SRGAP3: variants seen among roughly 807,000 people sequenced by gnomAD.
SRGAP3 encodes SLIT-ROBO Rho GTPase-activating protein 3.
Under a neutral mutation model 121.1 loss-of-function variants are expected in SRGAP3, and 39 were observed. The ratio of observed to expected loss-of-function variants is 0.32; its 90% CI spans 0.25 to 0.42. The LOEUF is 0.42. Among genes scored for constraint, SRGAP3 ranks in the 10% least tolerant of loss-of-function variants. The pLI, the probability that SRGAP3 is intolerant of heterozygous loss-of-function variation, is 1.00. For missense variants in SRGAP3, 1,213 were observed against 1,470.6 expected, an observed-to-expected ratio of 0.82 and a Z score of 2.86; for synonymous variants, 601 against 570.0, an observed-to-expected ratio of 1.05 and a Z score of -0.77.
intron 1 of SRGAP3, among the ~76,000 whole-genome samples, chr3:9,149,601 C>A (rs1294317899): frequency 3.3e-5 from 5 of 152,302 alleles, no homozygotes; most frequent in South Asian, 2.1e-4. Context: ...TGCTCTTGCA[C>A]CCCTGCCATC....
chr3:9,342,665 T>C (rs554263602), intron 1 of SRGAP3, among the ~76,000 whole-genome samples: 3 of 152,226 alleles, frequency 2.0e-5, no homozygotes, highest in African/African-American at 7.2e-5. Context: ...CATCAACATG[T>C]GCCTATGGCA....
chr3:9,095,023 A>C (rs2124872746), intron 3 of SRGAP3, among the ~76,000 whole-genome samples: 1 of 152,218 alleles, frequency 6.6e-6, no homozygotes, highest in South Asian at 2.1e-4. Context: ...CAGCCTCCCG[A>C]AGTGCTGAGA....
intron 1 of SRGAP3, among the ~76,000 whole-genome samples, chr3:9,217,170 G>A (rs1189963827): frequency 6.6e-6 from 1 of 152,132 alleles, no homozygotes; most frequent in Non-Finnish European, 1.5e-5. Flanking sequence ...TTTATGTGAT[G>A]TGCTTTTCGA....
chr3:9,053,657 T>C (rs772981462), intron 8 of SRGAP3, among the ~76,000 whole-genome samples: 9 of 152,224 alleles, frequency 5.9e-5, no homozygotes, highest in Non-Finnish European at 8.8e-5. Flanking sequence ...AAGTTGACAA[T>C]GGTGGGCAGC....
intron 1 of SRGAP3, among the ~76,000 whole-genome samples, chr3:9,174,143 T>C (rs1011136639): frequency 1.3e-5 from 2 of 152,112 alleles, no homozygotes; most frequent in Non-Finnish European, 2.9e-5. Context: ...TCCACTTATA[T>C]GAGGTACCTA....
intron 1 of SRGAP3, among the ~76,000 whole-genome samples, chr3:9,346,901 G>A (rs1216860572): frequency 6.6e-6 from 1 of 151,628 alleles, no homozygotes; most frequent in Non-Finnish European, 1.5e-5. Flanking sequence ...GATTACAGGC[G>A]CCTGCCACCA....
At position 9,281,943 on chromosome 3, in the gene SRGAP3, G is replaced by A. The variant is rs192439670; in HGVS notation, n.442+44067C>T. Among the ~76,000 whole-genome samples, 960 of 152,278 alleles carry A rather than the reference G, an allele frequency of 6.3e-3. 3 individuals carry two copies. The highest frequency in any genetic ancestry group is 9.5e-3 in the Non-Finnish European group (643 of 68,014). ...AACCTCCCAAAGTGCTGGGACTACA[G>A]GCATGAGCCACTGTGCTCAACCTGA... On this transcript the variant is annotated intron_variant and non_coding_transcript_variant, in intron 3 of 3. Transcript: ENST00000490889.
At chr3:9,348,233 G>A (rs893977368) in intron 1 of SRGAP3, among the ~76,000 whole-genome samples, 1 of 152,166 alleles carries the variant, frequency 6.6e-6, no homozygotes, top group Non-Finnish European at 1.5e-5. Flanking sequence ...TAGGTGAAAT[G>A]ACATCTATGA....
chr3:9,311,485 A>C (rs1471233411), intron 3 of SRGAP3, among the ~76,000 whole-genome samples: 2 of 152,214 alleles, frequency 1.3e-5, no homozygotes, highest in African/African-American at 2.4e-5. Context: ...TTTACAATCC[A>C]TCAAGTCTGT....
intron 1 of SRGAP3, among the ~76,000 whole-genome samples, chr3:9,361,034 G>A (rs1273103557): frequency 1.3e-5 from 2 of 152,094 alleles, no homozygotes; most frequent in Non-Finnish European, 2.9e-5. Context: ...ATGATGTTCA[G>A]CATCTTTTCA....
chr3:9,118,662 C>A (rs1367891287), intron 2 of SRGAP3, among the ~76,000 whole-genome samples: 2 of 150,622 alleles, frequency 1.3e-5, no homozygotes, highest in Non-Finnish European at 3.0e-5. Context: ...CAGACTCCCC[C>A]AGGGGGCTTG....
rs904127692 is a variant in SRGAP3, at chr3:9,239,586, C to T, written c.67+9299G>A. Among the ~76,000 whole-genome samples, 1 of 152,160 alleles carries T rather than the reference C, an allele frequency of 6.6e-6. No individual in the cohort carries two copies. The highest frequency in any genetic ancestry group is 2.4e-5 in the African/African-American group (1 of 41,404). Reference sequence around the variant, plus strand: ...GGAAGAGCCAGGTCCATTCAAGGAACCTGGAACACTCTGCTGCAGCAGTGT... The same window carrying T: ...GGAAGAGCCAGGTCCATTCAAGGAATCTGGAACACTCTGCTGCAGCAGTGT... On this transcript the variant is annotated intron_variant, in intron 1 of 21. Coordinates refer to ENST00000383836, the MANE Select transcript of SRGAP3 (RefSeq NM_014850.4). This position sits in a 1 kb window ranked among gnomAD's most constrained non-coding sequence, Gnocchi z 4.0.
At chr3:9,321,840 G>C (rs1248608475) in intron 3 of SRGAP3, among the ~76,000 whole-genome samples, 1 of 151,270 alleles carries the variant, frequency 6.6e-6, no homozygotes, top group African/African-American at 2.4e-5. Context: ...AGGAGGGAGA[G>C]GATCAGAAAA....
At chr3:9,043,279 G>C (rs565594136) in intron 10 of SRGAP3, among the ~76,000 whole-genome samples, 2 of 152,130 alleles carry the variant, frequency 1.3e-5, no homozygotes, top group Non-Finnish European at 1.5e-5. Flanking sequence ...TCAGCCTCCT[G>C]AGTAGCTGGG....
In SRGAP3 at chr3:9,039,914, T is replaced by C. The variant is rs533355868; in HGVS notation, c.1409-1824A>G. Among the ~76,000 whole-genome samples, 15 of 152,348 alleles carry C rather than the reference T, an allele frequency of 9.8e-5. No homozygotes were observed. In the South Asian group the frequency reaches 2.1e-3, roughly 21 times the overall value. ...GCCTTCTTTTATCTCAAACCTTAAA[T>C]GTTTCCCATAGCACTCTTTCTTTCT... On this transcript the variant is annotated intron_variant, in intron 10 of 21. Transcript: ENST00000383836.
At chr3:9,003,717 C>T (rs902924347) in intron 18 of SRGAP3, among the ~76,000 whole-genome samples, 14 of 151,998 alleles carry the variant, frequency 9.2e-5, no homozygotes, top group Admixed American at 2.0e-4. Flanking sequence ...CAAGATAAAA[C>T]ACTCAACAAA....
At chr3:9,198,451 A>G (rs1951974465) in intron 1 of SRGAP3, among the ~76,000 whole-genome samples, 1 of 152,244 alleles carries the variant, frequency 6.6e-6, no homozygotes, top group African/African-American at 2.4e-5. Context: ...GGTTCTGGGA[A>G]GAAACCACGG....
chr3:9,265,127 G>T (rs1233470452), intron 3 of SRGAP3, among the ~76,000 whole-genome samples: 2 of 152,152 alleles, frequency 1.3e-5, no homozygotes, highest in Admixed American at 1.3e-4. Context: ...ATGGGGAAAG[G>T]ATTCCCTATT....
intron 3 of SRGAP3, among the ~76,000 whole-genome samples, chr3:9,295,824 G>A (rs1301498347): frequency 2.0e-5 from 3 of 152,092 alleles, no homozygotes; most frequent in Admixed American, 6.6e-5. Flanking sequence ...CCAGCCTCTG[G>A]TAACCTCTAT....
Sources: allele counts gnomAD v4.1 joint callset (sites outside exome capture counted in the v4.1 genomes callset), GRCh38; gene constraint gnomAD v4.1.1; non-coding constraint Gnocchi (gnomAD v3.1); transcripts MANE v1.5; gene names NCBI Gene and HGNC (gene_info 2026-07-23, HGNC 2026-07-21).